Variants in ALG1L2 observed in about 807,000 individuals in gnomAD.
ALG1L2 encodes ALG1 chitobiosyldiphosphodolichol beta-mannosyltransferase like 2, also known as putative glycosyltransferase ALG1L2.
ALG1L2 carries 32 observed loss-of-function variants against 29.0 expected under a neutral mutation model. The observed-to-expected ratio is 1.10, with a 90% CI of 0.83 to 1.48. ALG1L2 has a LOEUF of 1.48. Among genes scored for constraint, ALG1L2 ranks in the 40% most tolerant of loss-of-function variants. ALG1L2 has a pLI of 0.00. For missense variants in ALG1L2, 318 were observed against 274.1 expected (o/e 1.16, Z -1.13); for synonymous variants, 110 against 109.5 (o/e 1.00, Z -0.03).
At chr3:130,085,253 C>T (rs1227457827) in intron 1 of ALG1L2, among the ~76,000 whole-genome samples, 1,499 of 147,032 alleles carry the variant, frequency 0.01, 2 homozygotes, top group African/African-American at 0.036. Flanking sequence ...AGCCACCGCA[C>T]CTGGCCTCTT....
Position 130,094,499 on chromosome 3 carries a change from T to C in ALG1L2, c.410T>C (p.Leu137Pro), listed in dbSNP as rs1935088995. Reference sequence around the variant, plus strand: ...ATCCCCTGGCTGGAGGGCCGAGGACTACCCCCGCTTCTAGGTGAGAGGCCA... The same window carrying C: ...ATCCCCTGGCTGGAGGGCCGAGGACCACCCCCGCTTCTAGGTGAGAGGCCA... ...VCIPWLEGRG[L>P]PPLLGSVDLD... Residue 137 changes from leucine to proline, a missense_variant, in exon 5 of 8, where the codon CTA becomes CCA. Leu to Pro is a moderately conservative substitution (Grantham distance 98, BLOSUM62 -3). Transcript: ENST00000425059. 1.9e-6 allele frequency: 3 copies of C among 1,591,506 alleles called. No individual in the cohort carries two copies. Among genetic ancestry groups the C allele is most frequent in the Non-Finnish European group, 2.5e-6 (3 of 1,177,876 alleles).
intron 1 of ALG1L2, chr3:130,090,883 C>A: frequency 4.1e-6 from 1 of 246,120 alleles, no homozygotes; most frequent in Non-Finnish European, 8.0e-6. Flanking sequence ...GATGAAGACC[C>A]CTGGTTCGTG....
chr3:130,087,626 C>T (rs1433647835), intron 1 of ALG1L2, among the ~76,000 whole-genome samples: 1 of 132,642 alleles, frequency 7.5e-6, no homozygotes, highest in African/African-American at 2.5e-5. Flanking sequence ...AACTCTTCTG[C>T]CACTTGGAAA....
chr3:130,094,091 CACAG>C, intron 4 of ALG1L2: 4 of 416,440 alleles, frequency 9.6e-6, no homozygotes, highest in South Asian at 2.2e-5. Context: ...CTGTGCACAA[CACAG>C]ACAGAAGGCT....
intron 7 of ALG1L2, 110 bp downstream of exon 7, chr3:130,097,360 G>A (rs1322672874): frequency 1.3e-6 from 2 of 1,484,946 alleles, no homozygotes; most frequent in African/African-American, 1.4e-5. Flanking sequence ...TGCGGGGTCT[G>A]GCGGAAAAGC....
intron 1 of ALG1L2, among the ~76,000 whole-genome samples, chr3:130,087,981 C>A (rs778219061): frequency 1.3e-5 from 2 of 152,418 alleles, no homozygotes; most frequent in Middle Eastern, 3.4e-3. Context: ...GCCAGCTTAG[C>A]CTTTAGTGTC....
rs1445527599 is a variant in ALG1L2, at chr3:130,082,468, G to A, written c.20+432G>A. Among the ~76,000 whole-genome samples the A allele has an allele frequency of 9.0e-5, 12 of 133,212 alleles. No homozygotes were observed. The East Asian group carries it at 2.5e-3, about 28-fold the overall frequency. 87.4% of individuals were successfully genotyped at this position (133,212 alleles called of 152,430 possible). Reference sequence around the variant, plus strand: ...TTCTCCTGCCTCAGCCTCCCAAGTAGCTGGGACTACAGCCACCTGCCACCA... The same window carrying A: ...TTCTCCTGCCTCAGCCTCCCAAGTAACTGGGACTACAGCCACCTGCCACCA... On this transcript the variant is annotated intron_variant, in intron 1 of 7. Coordinates refer to ENST00000425059, the MANE Select transcript of ALG1L2 (RefSeq NM_001136152.1).
intron 1 of ALG1L2, among the ~76,000 whole-genome samples, chr3:130,089,256 C>A (rs569413146): frequency 8.5e-5 from 13 of 152,346 alleles, no homozygotes; most frequent in African/African-American, 2.9e-4. Flanking sequence ...CACGCTTGAC[C>A]TGGGTTTTAT....
chr3:130,084,683 C>T (rs1934853799), intron 1 of ALG1L2, among the ~76,000 whole-genome samples: 1 of 129,138 alleles, frequency 7.7e-6, no homozygotes, highest in South Asian at 2.5e-4. Context: ...TACAGAAATG[C>T]ATCGTCTTAC....
intron 1 of ALG1L2, among the ~76,000 whole-genome samples, chr3:130,083,529 G>C (rs373854794): frequency 5.4e-4 from 63 of 117,276 alleles, no homozygotes; most frequent in Middle Eastern, 6.1e-3. Flanking sequence ...GCAAAAAAAT[G>C]CCACATACAA....
intron 2 of ALG1L2, chr3:130,091,808 G>A: frequency 3.1e-6 from 2 of 636,630 alleles, no homozygotes; most frequent in Admixed American, 4.3e-5. Context: ...AGCTGGGGTG[G>A]TGTGGGAGGG....
At position 130,096,103 on chromosome 3, in the gene ALG1L2, C is replaced by A. The variant is rs767127709; in HGVS notation, c.479C>A (p.Pro160His). The change falls in exon 6 of 8, where the codon CCC (proline) becomes CAC (histidine). Residue 160 changes from proline (P) to histidine (H), a missense_variant. Physicochemically the swap from Pro to His is moderately conservative, Grantham distance 77. Transcript: ENST00000425059. ...ACGTCCTCCAGTGGCCTGGACCTGC[C>A]CATGAAGGTGGTGGACATGTTCAGG... ...LDTSSSGLDL[P>H]MKVVDMFRCC... is the part of the protein sequence containing the mutation. 3.3e-5 allele frequency: 53 copies of A among 1,611,828 alleles called. No individual in the cohort carries two copies. The highest frequency in any genetic ancestry group is 4.2e-5 in the Non-Finnish European group (50 of 1,179,850).
chr3:130,093,564 C>T (rs893061242), intron 4 of ALG1L2, among the ~76,000 whole-genome samples: 1 of 151,706 alleles, frequency 6.6e-6, no homozygotes. Context: ...GTAGCTGGGA[C>T]TAAAAGTGCC....
rs1443481698 is a variant in ALG1L2, at chr3:130,093,132, C to T, written c.285C>T (p.Asn95=). Residue 95 remains asparagine (N), a synonymous_variant, in exon 4 of 8, where the codon AAC becomes AAT. Transcript: ENST00000425059. ...EFEQLTLDGQ[N]LPSLVCVITG... is the part of the protein sequence containing the mutation. ...AACAACTGACTCTTGACGGACAGAA[C>T]CTTCCTTCTCTCGTCTGTGTGATAA... 2 of 1,610,502 alleles carry T rather than the reference C, an allele frequency of 1.2e-6. No individual in the cohort carries two copies. Among genetic ancestry groups the T allele is most frequent in the East Asian group, 2.2e-5 (1 of 44,774 alleles).
intron 1 of ALG1L2, 43 bp from the exon 2 acceptor site, chr3:130,091,218 C>A (rs1413023603): frequency 8.9e-6 from 14 of 1,570,314 alleles, no homozygotes; most frequent in Non-Finnish European, 1.2e-5. Context: ...AAGTAGCCTC[C>A]ATGCTGGACT....
At chr3:130,098,084 G>A (rs1935183631) in intron 7 of ALG1L2, 139 bp from the exon 8 acceptor site, 2 of 1,143,136 alleles carry the variant, frequency 1.7e-6, no homozygotes, top group African/African-American at 1.5e-5. Context: ...GAGCGCTGCT[G>A]GGGTGTGAAG....
chr3:130,085,579 C>G (rs72988387), intron 1 of ALG1L2, among the ~76,000 whole-genome samples: 1 of 149,818 alleles, frequency 6.7e-6, no homozygotes, highest in Non-Finnish European at 1.5e-5. Context: ...CTGGATAAAG[C>G]CCACTCTATC....
At chr3:130,094,786 G>A (rs573842100) in intron 5 of ALG1L2, among the ~76,000 whole-genome samples, 2 of 152,346 alleles carry the variant, frequency 1.3e-5, no homozygotes, top group East Asian at 3.9e-4. Flanking sequence ...TCCTGCAAGA[G>A]GGCTGGGCCT....
At chr3:130,097,128 A>G (rs115266437) in intron 6 of ALG1L2, 47 bp from the exon 7 acceptor site, 119,601 of 1,606,782 alleles carry the variant, frequency 0.074, 5,471 homozygotes, top group East Asian at 0.17. Flanking sequence ...CCAGGGGTCT[A>G]GTGTCTTCTC....
Sources: allele counts gnomAD v4.1 joint callset (sites outside exome capture counted in the v4.1 genomes callset), GRCh38; gene constraint gnomAD v4.1.1; transcripts MANE v1.5; gene names NCBI Gene and HGNC (gene_info 2026-07-23, HGNC 2026-07-21).